The following SMAD7 variants were observed in gnomAD, a reference collection of about 807,000 sequenced individuals.
The protein encoded by SMAD7 is MAD (mothers against decapentaplegic, Drosophila) homolog 7.
SMAD7 carries 8 observed loss-of-function variants against 38.7 expected under a neutral mutation model. That is an observed-to-expected ratio of 0.21 (90% CI 0.12 to 0.37). The LOEUF (loss-of-function observed/expected upper bound fraction) is 0.37. Ranked by LOEUF, SMAD7 falls within the 10% of genes least tolerant of loss-of-function variation. The pLI is 1.00. For synonymous variants in SMAD7, 327 were observed against 265.1 expected, an observed-to-expected ratio of 1.23 and a Z score of -2.27; for missense variants, 477 against 577.9, an observed-to-expected ratio of 0.83 and a Z score of 1.79.
intron 3 of SMAD7, among the ~76,000 whole-genome samples, chr18:48,935,421 G>C (rs2070053311): frequency 6.6e-6 from 1 of 152,200 alleles, no homozygotes; most frequent in Non-Finnish European, 1.5e-5. Context: ...CCCTGTGGCT[G>C]TGCTTACAGT....
chr18:48,942,642 A>G, intron 2 of SMAD7, 87 bp from the exon 3 acceptor site: 1 of 1,602,362 alleles, frequency 6.2e-7, no homozygotes, highest in South Asian at 1.1e-5. Flanking sequence ...AAACAGCATG[A>G]AAGACAAACC....
chr18:48,945,876 A>G lies in SMAD7; in HGVS notation c.667+2508T>C, dbSNP rs1599235661. ...ACAGCAAATTCTGACTTCTTGTGGG[A>G]TGTGGAGGTGGGGGTGTCTTTCTGA... On this transcript the variant is annotated intron_variant, in intron 2 of 3. Transcript: ENST00000262158. Among the ~76,000 whole-genome samples, 3 of 152,164 alleles carry G rather than the reference A, an allele frequency of 2.0e-5. No individual in the cohort carries two copies. The East Asian group carries it at 5.8e-4, about 29-fold the overall frequency.
intron 3 of SMAD7, among the ~76,000 whole-genome samples, chr18:48,926,022 A>G (rs2069923868): frequency 6.6e-6 from 1 of 152,240 alleles, no homozygotes; most frequent in Non-Finnish European, 1.5e-5. Context: ...CTGGGATTAT[A>G]GGCGTGAGCC....
At chr18:48,937,417 A>G (rs1310594238) in intron 3 of SMAD7, among the ~76,000 whole-genome samples, 2 of 152,150 alleles carry the variant, frequency 1.3e-5, no homozygotes, top group African/African-American at 4.8e-5. Flanking sequence ...GCCTGGGGAC[A>G]GGATGCGTGA....
At position 48,944,787 on chromosome 18, in the gene SMAD7, T is replaced by A. The variant is rs112842540; in HGVS notation, c.668-2232A>T. Among the ~76,000 whole-genome samples the A allele has an allele frequency of 1.6e-4, 24 of 152,318 alleles. 2 individuals are homozygous for A. The highest frequency in any genetic ancestry group is 5.5e-4 in the African/African-American group (23 of 41,564). ...TGAAGTCAGGGTCTCACCTTAGGCC[T>A]GTGTCGCCTGTTCCCCAGAGCCCAG... is the stretch of plus-strand genomic sequence containing the variant. On this transcript the variant is annotated intron_variant, in intron 2 of 3. Coordinates refer to ENST00000262158, the MANE Select transcript of SMAD7 (RefSeq NM_005904.4).
At chr18:48,949,663 C>A (rs1467085471) in intron 1 of SMAD7, 149 bp downstream of exon 1, 9 of 798,342 alleles carry the variant, frequency 1.1e-5, no homozygotes, top group Non-Finnish European at 1.7e-5. Context: ...GGAGGGTATG[C>A]ACACTCTCCC....
intron 2 of SMAD7, among the ~76,000 whole-genome samples, chr18:48,944,188 G>T (rs1456896022): frequency 6.6e-6 from 1 of 152,090 alleles, no homozygotes; most frequent in Non-Finnish European, 1.5e-5. Flanking sequence ...CTAGAGATAG[G>T]CTTCTCAACC....
At chr18:48,946,611 C>T (rs1309939580) in intron 2 of SMAD7, among the ~76,000 whole-genome samples, 4 of 152,184 alleles carry the variant, frequency 2.6e-5, no homozygotes, top group African/African-American at 9.7e-5. Context: ...TCTTAGTTTC[C>T]GATTGGCAGG....
chr18:48,929,569 T>A (rs199788698), intron 3 of SMAD7, among the ~76,000 whole-genome samples: 3,137 of 114,450 alleles, frequency 0.027, 86 homozygotes, highest in South Asian at 0.088. Flanking sequence ...TCTCTCTCTC[T>A]CACTCACACA....
At chr18:48,935,693 A>G (rs916414815) in intron 3 of SMAD7, among the ~76,000 whole-genome samples, 3 of 152,308 alleles carry the variant, frequency 2.0e-5, no homozygotes, top group South Asian at 4.1e-4. Context: ...GAATCAAACC[A>G]GAGGGAACTT....
chr18:48,945,751 AC>A (rs924729387), intron 2 of SMAD7, among the ~76,000 whole-genome samples: 16 of 152,028 alleles, frequency 1.1e-4, no homozygotes, highest in South Asian at 8.4e-4. Context: ...TCACCCAGCA[AC>A]CCCCCAAGGC....
chr18:48,937,687 G>T lies in SMAD7; in HGVS notation c.742+4794C>A, dbSNP rs76179345. Among the ~76,000 whole-genome samples, 1,083 of 152,290 alleles carry T rather than the reference G, an allele frequency of 7.1e-3. 9 individuals carry two copies. Among genetic ancestry groups the T allele is most frequent in the African/African-American group, 0.024 (1,003 of 41,550 alleles). On this transcript the variant is annotated intron_variant, in intron 3 of 3. Transcript: ENST00000262158. Reference sequence around the variant, plus strand: ...GCCCCAGCCCTGACTCATCCTGTTGGCAGGTGTTTAAGGAGAGGCAGAAGG... The same window carrying T: ...GCCCCAGCCCTGACTCATCCTGTTGTCAGGTGTTTAAGGAGAGGCAGAAGG...
chr18:48,943,896 C>G (rs1485662317), intron 2 of SMAD7, among the ~76,000 whole-genome samples: 1 of 152,176 alleles, frequency 6.6e-6, no homozygotes, highest in Non-Finnish European at 1.5e-5. Flanking sequence ...CCCACATTCT[C>G]AAGGCTGGAA....
At chr18:48,925,494 G>C (rs2069915646) in intron 3 of SMAD7, among the ~76,000 whole-genome samples, 1 of 152,176 alleles carries the variant, frequency 6.6e-6, no homozygotes, top group Non-Finnish European at 1.5e-5. Flanking sequence ...AGGGAAGGGG[G>C]AGGTGGGTGT....
chr18:48,935,806 T>C (rs999167336), intron 3 of SMAD7, among the ~76,000 whole-genome samples: 2 of 152,022 alleles, frequency 1.3e-5, no homozygotes, highest in African/African-American at 4.8e-5. Context: ...AGGCCAGGCG[T>C]GGTGGTACAC....
At chr18:48,937,559 G>A (rs949968267) in intron 3 of SMAD7, among the ~76,000 whole-genome samples, 2 of 152,174 alleles carry the variant, frequency 1.3e-5, no homozygotes, top group Non-Finnish European at 2.9e-5. Flanking sequence ...GGTTTTATCA[G>A]TAAGCCCTTC....
chr18:48,937,111 A>T (rs2143794098), intron 3 of SMAD7, among the ~76,000 whole-genome samples: 1 of 152,280 alleles, frequency 6.6e-6, no homozygotes, highest in East Asian at 1.9e-4. Context: ...AAACATTAAA[A>T]AATTTTAAAA....
Position 48,950,350 on chromosome 18 carries a change from C to T in SMAD7, c.75G>A (p.Glu25=). The T allele has an allele frequency of 6.5e-7, 1 of 1,542,662 alleles. No homozygotes were observed. Residue 25 remains glutamate, a synonymous_variant, in exon 1 of 4, where the codon GAG becomes GAA. Coordinates refer to ENST00000262158, the MANE Select transcript of SMAD7 (RefSeq NM_005904.4). The part of the protein sequence containing the change: ...RSRAPGGEDE[E]EGAGGGGGGG... ...CTCCTCCACCTCCCCCTGCGCCCTC[C>T]TCCTCGTCCTCGCCGCCGGGCGCAC...
chr18:48,921,317 A>G lies in SMAD7; in HGVS notation c.*55T>C, dbSNP rs1283743692. 25 of 1,465,564 alleles carry G rather than the reference A, an allele frequency of 1.7e-5. No homozygotes were observed. Among genetic ancestry groups the G allele is most frequent in the Non-Finnish European group, 2.3e-5 (25 of 1,082,668 alleles). 90.8% of individuals were successfully genotyped at this position (1,465,564 alleles called of 1,614,324 possible). ...CACTCAGGAGGAAAATATTAGCAGC[A>G]AAGTAGTTTGAAGTGTGGCCTGCTC... On this transcript the variant is annotated 3_prime_UTR_variant, in exon 4 of 4. Coordinates refer to ENST00000262158, the MANE Select transcript of SMAD7 (RefSeq NM_005904.4). This position sits in a 1 kb window ranked among gnomAD's most constrained non-coding sequence, Gnocchi z 6.4.
Sources: allele counts gnomAD v4.1 joint callset (sites outside exome capture counted in the v4.1 genomes callset), GRCh38; gene constraint gnomAD v4.1.1; non-coding constraint Gnocchi (gnomAD v3.1); transcripts MANE v1.5; gene names NCBI Gene and HGNC (gene_info 2026-07-23, HGNC 2026-07-21).